Variants in STK38 observed in about 807,000 individuals in gnomAD.
STK38 encodes serine/threonine kinase 38.
STK38 carries 26 observed loss-of-function variants against 59.0 expected under a neutral mutation model. The ratio of observed to expected loss-of-function variants is 0.44; its 90% CI spans 0.32 to 0.61. The LOEUF is 0.61. Ranked by LOEUF, STK38 falls within the 20% of genes least tolerant of loss-of-function variation. The pLI is 0.04. For synonymous variants in STK38, 175 were observed against 176.6 expected (o/e 0.99, Z 0.07); for missense variants, 433 against 566.0 (o/e 0.76, Z 2.38).
chr6:36,541,153 C>A (rs1455400958), intron 1 of STK38, among the ~76,000 whole-genome samples: 1 of 152,032 alleles, frequency 6.6e-6, no homozygotes, highest in Non-Finnish European at 1.5e-5. Flanking sequence ...CCCATCTCAG[C>A]CTCCCAAAGT....
chr6:36,543,127 C>T (rs13213296), intron 1 of STK38, among the ~76,000 whole-genome samples: 9 of 151,040 alleles, frequency 6.0e-5, no homozygotes, highest in Admixed American at 5.3e-4. Flanking sequence ...TGCAGTGGCG[C>T]GATCTCGGCT....
At chr6:36,520,869 G>A (rs935797996) in intron 5 of STK38, among the ~76,000 whole-genome samples, 2 of 152,096 alleles carry the variant, frequency 1.3e-5, no homozygotes, top group African/African-American at 4.8e-5. Context: ...CCTCTCAAGA[G>A]GTAGAAAGGA....
At chr6:36,508,257 T>C (rs1777016358) in intron 7 of STK38, among the ~76,000 whole-genome samples, 1 of 152,126 alleles carries the variant, frequency 6.6e-6, no homozygotes, top group South Asian at 2.1e-4. Flanking sequence ...TTTAAAAGTC[T>C]ACATAATATT....
intron 2 of STK38, among the ~76,000 whole-genome samples, chr6:36,531,762 A>G (rs962316514): frequency 2.6e-5 from 4 of 152,236 alleles, no homozygotes; most frequent in Non-Finnish European, 5.9e-5. Flanking sequence ...TGTTTCTATG[A>G]AACTGCTCAA....
intron 7 of STK38, among the ~76,000 whole-genome samples, chr6:36,513,254 G>C (rs973198733): frequency 6.6e-6 from 1 of 151,280 alleles, no homozygotes; most frequent in African/African-American, 2.4e-5. Flanking sequence ...TCCTGACCTC[G>C]TGATCCACCC....
Position 36,496,105 on chromosome 6 carries a change from C to T in STK38, c.1268-191G>A, listed in dbSNP as rs147722915. Reference sequence around the variant, plus strand: ...CTGTCGCCAGGCTGGAGTGCAGTGGCGTCATCTCAGCTCACTGCAACCTTG... The same window carrying T: ...CTGTCGCCAGGCTGGAGTGCAGTGGTGTCATCTCAGCTCACTGCAACCTTG... On this transcript the variant is annotated intron_variant, in intron 13 of 13. Coordinates refer to ENST00000229812, the MANE Select transcript of STK38 (RefSeq NM_007271.4). Among the ~76,000 whole-genome samples the T allele has an allele frequency of 7.3e-4, 105 of 144,270 alleles. 1 individual carries two copies. In the East Asian group the frequency reaches 0.011, roughly 15 times the overall value. 94.6% of individuals were successfully genotyped at this position (144,270 alleles called of 152,430 possible).
chr6:36,540,102 AG>A lies in STK38; in HGVS notation c.100del (p.Ile35SerfsTer9). 6.2e-7 allele frequency: 1 copy of A among 1,614,088 alleles called. No homozygotes were observed. The highest frequency in any genetic ancestry group is 8.5e-7 in the Non-Finnish European group (1 of 1,179,972). Reference protein sequence around the residue: ...KVTLENFYSNLIAQHEEREMR... With the variant: ...KVTLENFYSNXIAQHEEREMR... The stretch of plus-strand genomic sequence containing the variant: ...TTCTCGTTCTTCATGTTGAGCGATA[AG>A]GTTGCTATAAAAATTCTCCAGTGTC... On this transcript the variant is annotated frameshift_variant, in exon 2 of 14. Coordinates refer to ENST00000229812, the MANE Select transcript of STK38 (RefSeq NM_007271.4). LOFTEE classifies it high-confidence loss of function.
Position 36,517,799 on chromosome 6 carries a change from T to C in STK38, c.432A>G (p.Ala144=). 6.2e-7 allele frequency: 1 copy of C among 1,614,184 alleles called. No homozygotes were observed. The highest frequency in any genetic ancestry group is 8.5e-7 in the Non-Finnish European group (1 of 1,180,000). The change falls in exon 6 of 14, where the codon GCA becomes GCG. Residue 144 remains alanine, a synonymous_variant. Transcript: ENST00000229812. ...IRAERDILVE[A]DSLWVVKMFY... The stretch of plus-strand genomic sequence containing the variant: ...ACATTTTCACAACCCACAAACTGTC[T>C]GCCTCCACTAGAATGTCACGCTCCG...
intron 3 of STK38, 94 bp from the exon 4 acceptor site, chr6:36,524,557 C>A: frequency 7.5e-7 from 1 of 1,330,866 alleles, no homozygotes; most frequent in Admixed American, 2.3e-5. Flanking sequence ...AGCTAGAAAA[C>A]AGGTCCAAGT....
intron 1 of STK38, among the ~76,000 whole-genome samples, chr6:36,546,189 C>T (rs1778049255): frequency 6.6e-6 from 1 of 152,222 alleles, no homozygotes; most frequent in Non-Finnish European, 1.5e-5. Context: ...TCCCCCATTT[C>T]ATGCACAGTG....
Position 36,498,612 on chromosome 6 carries a change from G to A in STK38, c.953-126C>T, listed in dbSNP as rs1776765103. On this transcript the variant is annotated intron_variant, in intron 10 of 13. Transcript: ENST00000229812. ...TTCTTTTTTTTTTTTTTTTGAGACAGGGTCTCACTCTGTTACCTAGGCTGG... is the reference window on the plus strand; with the variant it reads ...TTCTTTTTTTTTTTTTTTTGAGACAAGGTCTCACTCTGTTACCTAGGCTGG... The A allele has an allele frequency of 1.9e-5, 20 of 1,035,368 alleles. 1 individual carries two copies. In the South Asian group the frequency reaches 3.3e-4, roughly 17 times the overall value. The allele number at this position is 1,035,368 out of a possible 1,614,324, so 64.1% of individuals were successfully genotyped here.
intron 1 of STK38, among the ~76,000 whole-genome samples, chr6:36,542,568 T>C (rs376082103): frequency 1.3e-5 from 2 of 152,280 alleles, no homozygotes; most frequent in East Asian, 1.9e-4. Flanking sequence ...TTGCTTGAAT[T>C]GGGAAGCAGA....
intron 3 of STK38, 35 bp from the exon 4 acceptor site, chr6:36,524,498 G>C: frequency 1.9e-6 from 3 of 1,567,848 alleles, no homozygotes; most frequent in African/African-American, 2.8e-5. Context: ...GAGACGGGAA[G>C]GAACTGAAAT....
At chr6:36,536,676 G>A (rs1036934495) in intron 2 of STK38, among the ~76,000 whole-genome samples, 8 of 151,858 alleles carry the variant, frequency 5.3e-5, no homozygotes, top group Admixed American at 2.0e-4. Context: ...TGAGATTATA[G>A]GCATGCGCCA....
intron 9 of STK38, 141 bp downstream of exon 9, chr6:36,506,442 C>G (rs1005145552): frequency 3.6e-6 from 3 of 831,074 alleles, no homozygotes; most frequent in Non-Finnish European, 5.7e-6. Context: ...TCCTACCAAC[C>G]TAACAACAGC....
At position 36,498,351 on chromosome 6, in the gene STK38, G is replaced by A. The variant is rs755472270; in HGVS notation, c.1076+12C>T. On this transcript the variant is annotated intron_variant, in intron 11 of 13. Coordinates refer to ENST00000229812, the MANE Select transcript of STK38 (RefSeq NM_007271.4). ...AAGCTGAGAAAGAAGGTGGAGGGAT[G>A]TTCTCTAATACCTCAAAATTAGATC... is the stretch of plus-strand genomic sequence containing the variant. 1.3e-6 allele frequency: 2 copies of A among 1,598,068 alleles called. No homozygotes were observed. The highest frequency in any genetic ancestry group is 1.7e-6 in the Non-Finnish European group (2 of 1,176,124).
At chr6:36,525,762 G>A in intron 2 of STK38, 120 bp from the exon 3 acceptor site, 1 of 746,478 alleles carries the variant, frequency 1.3e-6, no homozygotes, top group Non-Finnish European at 2.1e-6. Context: ...ATCTCAAAAT[G>A]TCTCATTAAA....
intron 5 of STK38, among the ~76,000 whole-genome samples, chr6:36,518,360 G>A (rs1161840777): frequency 1.3e-5 from 2 of 152,114 alleles, no homozygotes; most frequent in Non-Finnish European, 2.9e-5. Context: ...GAACACCTAT[G>A]AAAAGTTGTA....
At chr6:36,503,163 A>T (rs745520964) in intron 9 of STK38, among the ~76,000 whole-genome samples, 5 of 152,186 alleles carry the variant, frequency 3.3e-5, no homozygotes, top group Non-Finnish European at 5.9e-5. Context: ...CTGAAAGATA[A>T]TTCCAAAGTA....
Sources: allele counts gnomAD v4.1 joint callset (sites outside exome capture counted in the v4.1 genomes callset), GRCh38; gene constraint gnomAD v4.1.1; transcripts MANE v1.5; gene names NCBI Gene and HGNC (gene_info 2026-07-23, HGNC 2026-07-21).